SH3RF2: variants seen among roughly 807,000 people sequenced by gnomAD.
SH3RF2 encodes E3 ubiquitin-protein ligase SH3RF2.
In SH3RF2, 43 loss-of-function variants were observed where a neutral mutation model predicts 59.0. The ratio of observed to expected loss-of-function variants is 0.73; its 90% CI spans 0.57 to 0.94. SH3RF2 has a LOEUF of 0.94. Among genes scored for constraint, SH3RF2 ranks in the 40% least tolerant of loss-of-function variants. SH3RF2 has a pLI of 0.00. For synonymous variants in SH3RF2, 391 were observed against 391.5 expected, an observed-to-expected ratio of 1.00 and a Z score of 0.01; for missense variants, 930 against 940.1, an observed-to-expected ratio of 0.99 and a Z score of 0.14.
chr5:146,059,866 A>C lies in SH3RF2; in HGVS notation c.1556A>C (p.Asn519Thr). ...ATCTCTCTGTCCTATAATTCCCCAG[A>C]TGGATCCCTGCAGAGACCCCTCCAG... ...LRKGRSSMRK[N>T]GSLQRPLQSG... The change falls in exon 9 of 10, where the codon AAT becomes ACT. Residue 519 changes from asparagine (N) to threonine (T), a missense_variant and splice_region_variant. Physicochemically the swap from Asn to Thr is moderately conservative, Grantham distance 65. Transcript: ENST00000359120. 1 of 1,456,000 alleles carries C rather than the reference A, an allele frequency of 6.9e-7. No individual in the cohort carries two copies. Among genetic ancestry groups the C allele is most frequent in the African/African-American group, 1.4e-5 (1 of 69,696 alleles). 90.2% of individuals were successfully genotyped at this position (1,456,000 alleles called of 1,614,324 possible).
At chr5:145,972,544 C>G (rs187065507) in intron 2 of SH3RF2, among the ~76,000 whole-genome samples, 1 of 152,186 alleles carries the variant, frequency 6.6e-6, no homozygotes, top group Non-Finnish European at 1.5e-5. Context: ...GCCATTCACA[C>G]GGCAATCATC....
At chr5:145,971,986 A>G (rs981319491) in intron 2 of SH3RF2, among the ~76,000 whole-genome samples, 5 of 152,202 alleles carry the variant, frequency 3.3e-5, no homozygotes, top group African/African-American at 9.6e-5. Context: ...CAACAACTGT[A>G]TGAGATTGAT....
downstream of SH3RF2, among the ~76,000 whole-genome samples, chr5:146,067,294 C>T (rs1252908402): frequency 1.3e-5 from 2 of 152,164 alleles, no homozygotes; most frequent in African/African-American, 2.4e-5. Context: ...GCAACCCAGG[C>T]GGCTGGATCA....
In SH3RF2 at chr5:145,937,861, C is replaced by T; in HGVS notation, c.-68C>T. ...CGTTCTCAAGAGACCAGCTCTGCCCCCGTGGCTCAACTGACCCTACCATGT... is the reference window on the plus strand; with the variant it reads ...CGTTCTCAAGAGACCAGCTCTGCCCTCGTGGCTCAACTGACCCTACCATGT... On this transcript the variant is annotated 5_prime_UTR_variant, in exon 2 of 10. Coordinates refer to ENST00000359120, the MANE Select transcript of SH3RF2 (RefSeq NM_152550.4). The T allele has an allele frequency of 3.2e-6, 5 of 1,539,024 alleles. No homozygotes were observed. The highest frequency in any genetic ancestry group is 2.2e-4 in the Middle Eastern group (1 of 4,532).
chr5:145,964,999 C>T (rs965830089), intron 2 of SH3RF2, among the ~76,000 whole-genome samples: 1 of 151,980 alleles, frequency 6.6e-6, no homozygotes, highest in Non-Finnish European at 1.5e-5. Context: ...TCGAGACTAG[C>T]CTGCGCAACA....
At chr5:145,960,687 C>A in intron 2 of SH3RF2, among the ~76,000 whole-genome samples, 1 of 152,136 alleles carries the variant, frequency 6.6e-6, no homozygotes, top group East Asian at 1.9e-4. Context: ...TGTCTAATTT[C>A]TTTCTGTGGT....
chr5:146,064,665 A>AAG (rs1306688525), downstream of SH3RF2, among the ~76,000 whole-genome samples: 2 of 3,766 alleles, frequency 5.3e-4, no homozygotes, highest in African/African-American at 1.1e-3. Context: ...AGAGAGAAAG[A>AAG]GAAAGAAAGA....
chr5:146,065,521 C>T (rs1354481459), downstream of SH3RF2, among the ~76,000 whole-genome samples: 1 of 152,194 alleles, frequency 6.6e-6, no homozygotes, highest in Non-Finnish European at 1.5e-5. Flanking sequence ...AAGCAGGGTG[C>T]TTAGATGGAA....
chr5:145,992,547 T>C (rs1759981016), intron 2 of SH3RF2, among the ~76,000 whole-genome samples: 2 of 152,124 alleles, frequency 1.3e-5, no homozygotes, highest in African/African-American at 4.8e-5. Context: ...AAGAAAAAGG[T>C]TTAATTGGAC....
chr5:146,062,421 T>C lies in SH3RF2; in HGVS notation c.1915-5T>C, dbSNP rs754666875. On this transcript the variant is annotated splice_region_variant and splice_polypyrimidine_tract_variant and intron_variant, in intron 9 of 9. Coordinates refer to ENST00000359120, the MANE Select transcript of SH3RF2 (RefSeq NM_152550.4). Reference sequence around the variant, plus strand: ...TGTGTCCATTTCCTCTCCTTTCTCTTGCAGCAAGTCAAAACCGTGAGATTT... The same window carrying C: ...TGTGTCCATTTCCTCTCCTTTCTCTCGCAGCAAGTCAAAACCGTGAGATTT... The C allele has an allele frequency of 6.8e-6, 11 of 1,612,862 alleles. No individual in the cohort carries two copies. The highest frequency in any genetic ancestry group is 8.5e-6 in the Non-Finnish European group (10 of 1,179,038).
At chr5:145,994,462 A>G (rs1760072565) in intron 2 of SH3RF2, among the ~76,000 whole-genome samples, 2 of 152,190 alleles carry the variant, frequency 1.3e-5, no homozygotes, top group African/African-American at 4.8e-5. Flanking sequence ...CTGGGAAGAA[A>G]AGGAGGTTTA....
At chr5:145,972,932 G>A (rs1759144582) in intron 2 of SH3RF2, among the ~76,000 whole-genome samples, 1 of 152,134 alleles carries the variant, frequency 6.6e-6, no homozygotes, top group Non-Finnish European at 1.5e-5. Flanking sequence ...GTAGATAATA[G>A]AGCTACAAGA....
intron 2 of SH3RF2, 117 bp downstream of exon 2, chr5:145,938,423 A>ACAGAAACTTATCACT: frequency 8.0e-7 from 1 of 1,249,078 alleles, no homozygotes; most frequent in Non-Finnish European, 1.1e-6. Flanking sequence ...TTGATTTCCC[A>ACAGAAACTTATCACT]GTGATAAGTT....
chr5:145,956,767 T>C (rs547534998), intron 2 of SH3RF2, among the ~76,000 whole-genome samples: 1 of 152,216 alleles, frequency 6.6e-6, no homozygotes, highest in East Asian at 1.9e-4. Context: ...AAAGAAAGGA[T>C]TGTGAAGGGG....
chr5:145,956,865 G>T (rs1758435421), intron 2 of SH3RF2, among the ~76,000 whole-genome samples: 1 of 152,184 alleles, frequency 6.6e-6, no homozygotes, highest in African/African-American at 2.4e-5. Flanking sequence ...GATGGCTTCA[G>T]TATATCTGCT....
chr5:146,057,984 C>CTATA (rs751628879), intron 8 of SH3RF2, among the ~76,000 whole-genome samples: 82 of 145,824 alleles, frequency 5.6e-4, no homozygotes, highest in African/African-American at 1.7e-3. Context: ...ATCTATCTAT[C>CTATA]TATATATATA....
chr5:145,994,401 A>G (rs565322951), intron 2 of SH3RF2, among the ~76,000 whole-genome samples: 3 of 152,242 alleles, frequency 2.0e-5, no homozygotes, highest in South Asian at 4.1e-4. Flanking sequence ...TACTTGTACC[A>G]ATTTATTGTA....
intron 2 of SH3RF2, among the ~76,000 whole-genome samples, chr5:145,966,702 G>T (rs985607725): frequency 9.2e-5 from 14 of 152,098 alleles, no homozygotes; most frequent in Non-Finnish European, 1.9e-4. Flanking sequence ...ATGATAAGAA[G>T]AATACTCAGG....
intron 1 of SH3RF2, chr5:145,937,264 G>T (rs1200761695): frequency 6.6e-6 from 1 of 152,196 alleles, no homozygotes; most frequent in Non-Finnish European, 1.5e-5. Flanking sequence ...TGGGTTTCTA[G>T]TGGAAATTTT....
Sources: allele counts gnomAD v4.1 joint callset (sites outside exome capture counted in the v4.1 genomes callset), GRCh38; gene constraint gnomAD v4.1.1; transcripts MANE v1.5; gene names NCBI Gene and HGNC (gene_info 2026-07-23, HGNC 2026-07-21).